The following GSE1 variants were observed in gnomAD, a reference collection of about 807,000 sequenced individuals.
GSE1 encodes Gse1 coiled-coil protein.
Under a neutral mutation model 112.6 loss-of-function variants are expected in GSE1, and 32 were observed. The observed-to-expected ratio is 0.28, with a 90% CI of 0.21 to 0.38. The LOEUF (loss-of-function observed/expected upper bound fraction) is 0.38. GSE1 is among the 10% of genes least tolerant of loss of function. GSE1 has a pLI of 1.00. For synonymous variants in GSE1, 1,115 were observed against 735.6 expected (o/e 1.52, Z -8.35); for missense variants, 2,348 against 1,699.2 (o/e 1.38, Z -6.71).
rs368548995 is a variant in GSE1, at chr16:85,242,455, G to A, written c.2283+70648G>A. ...GAAGGCCACCTTCCATCTTTCTGTCGGTGCCCCGCAGGGCAGGGCCTGTGC... is the reference window on the plus strand; with the variant it reads ...GAAGGCCACCTTCCATCTTTCTGTCAGTGCCCCGCAGGGCAGGGCCTGTGC... On this transcript the variant is annotated intron_variant, in intron 1 of 2. Transcript: ENST00000637419. Among the ~76,000 whole-genome samples, 4 of 152,360 alleles carry A rather than the reference G, an allele frequency of 2.6e-5. No individual in the cohort carries two copies. In the South Asian group the frequency reaches 6.2e-4, roughly 24 times the overall value.
rs2053054435 is a variant in GSE1 at position 85,668,361 on chromosome 16, G to A, written c.3352G>A (p.Val1118Ile). ...DDEDGEDEEE[V>I]PKRKWQGIEA... Reference sequence around the variant, plus strand: ...TGAAGATGGAGAAGATGAGGAGGAAGTCCCCAAGCGCAAGTGGCAAGGGAT... The same window carrying A: ...TGAAGATGGAGAAGATGAGGAGGAAATCCCCAAGCGCAAGTGGCAAGGGAT... Residue 1118 changes from valine to isoleucine, a missense_variant, in exon 14 of 16, where the codon GTC (valine) becomes ATC (isoleucine). Physicochemically the swap from Val to Ile is conservative, Grantham distance 29. Coordinates refer to ENST00000253458, the MANE Select transcript of GSE1 (RefSeq NM_014615.5). 1.3e-6 allele frequency: 2 copies of A among 1,593,376 alleles called. No individual in the cohort carries two copies. The highest frequency in any genetic ancestry group is 2.2e-5 in the East Asian group (1 of 44,778).
intron 1 of GSE1, among the ~76,000 whole-genome samples, chr16:85,250,427 G>A (rs987244763): frequency 6.6e-6 from 1 of 152,154 alleles, no homozygotes; most frequent in African/African-American, 2.4e-5. Context: ...GTGTTCCCAG[G>A]ATGGCTGGTG....
At chr16:85,404,087 G>C (rs1037562549) in intron 2 of GSE1, among the ~76,000 whole-genome samples, 3 of 151,070 alleles carry the variant, frequency 2.0e-5, no homozygotes, top group Non-Finnish European at 2.9e-5. Flanking sequence ...CTTGTGATTG[G>C]ACACAGGGCC....
rs143368409 is a variant in GSE1, at chr16:85,373,763, G to A, written c.2464+16120G>A. On this transcript the variant is annotated intron_variant, in intron 2 of 2. Coordinates refer to the GSE1 transcript ENST00000637419. This position sits in a 1 kb window ranked among gnomAD's most constrained non-coding sequence, Gnocchi z 5.1. ...GAATGAGCGCTGGCCGCCTTCTCCC[G>A]GCAGGCCTGGGGACCCTGGATCCCC... Among the ~76,000 whole-genome samples, 618 of 152,206 alleles carry A rather than the reference G, an allele frequency of 4.1e-3. 8 individuals are homozygous for A. Among genetic ancestry groups the A allele is most frequent in the Admixed American group, 0.035 (536 of 15,296 alleles).
At chr16:85,204,670 C>T (rs565196482) in intron 1 of GSE1, among the ~76,000 whole-genome samples, 4 of 152,220 alleles carry the variant, frequency 2.6e-5, no homozygotes, top group Non-Finnish European at 5.9e-5. Context: ...GCTTTCTGCC[C>T]GGACAGACTG....
chr16:85,203,282 A>G (rs535247271), intron 1 of GSE1, among the ~76,000 whole-genome samples: 1 of 152,290 alleles, frequency 6.6e-6, no homozygotes, highest in African/African-American at 2.4e-5. Flanking sequence ...TTCGCAGGGC[A>G]TAGCGCCAGG....
At chr16:85,279,786 C>A (rs1419066152) in intron 1 of GSE1, among the ~76,000 whole-genome samples, 2 of 152,130 alleles carry the variant, frequency 1.3e-5, no homozygotes, top group Non-Finnish European at 2.9e-5. Flanking sequence ...TCTCTGTCTT[C>A]ACTTGAATTC....
chr16:85,629,493 C>A (rs544355375), intron 1 of GSE1, among the ~76,000 whole-genome samples: 1 of 152,362 alleles, frequency 6.6e-6, no homozygotes, highest in East Asian at 1.9e-4. Context: ...CACCGGAGAT[C>A]GGCCCCTCCT....
intron 1 of GSE1, among the ~76,000 whole-genome samples, chr16:85,291,513 T>C (rs920791895): frequency 1.3e-5 from 2 of 151,822 alleles, no homozygotes; most frequent in Non-Finnish European, 2.9e-5. Flanking sequence ...TCCCATGGGG[T>C]CGAATAAAGG....
intron 2 of GSE1, among the ~76,000 whole-genome samples, chr16:85,380,346 T>A (rs12919385): frequency 6.6e-6 from 1 of 152,006 alleles, no homozygotes; most frequent in African/African-American, 2.4e-5. Context: ...GGGGAGGAGG[T>A]GGCACTCCAG....
At chr16:85,665,242 G>T (rs1305011905) in intron 12 of GSE1, 114 bp downstream of exon 12, 2 of 639,428 alleles carry the variant, frequency 3.1e-6, no homozygotes, top group Admixed American at 2.5e-5. Flanking sequence ...CCTGCAGGCT[G>T]TCTTCTTCCA....
chr16:85,663,296 T>C, intron 10 of GSE1, 48 bp from the exon 11 acceptor site: 1 of 1,602,226 alleles, frequency 6.2e-7, no homozygotes, highest in East Asian at 2.2e-5. Flanking sequence ...AGTGCAAGCA[T>C]ACCACTGCCA....
chr16:85,183,225 CCTCT>C (rs965645461), intron 1 of GSE1, among the ~76,000 whole-genome samples: 25 of 152,290 alleles, frequency 1.6e-4, no homozygotes, highest in East Asian at 9.6e-4. Flanking sequence ...TCCCACACAC[CCTCT>C]CTCATTCATG....
chr16:85,553,305 CG>C (rs1286879001), upstream of GSE1, among the ~76,000 whole-genome samples: 1 of 150,434 alleles, frequency 6.6e-6, no homozygotes, highest in African/African-American at 2.4e-5. Flanking sequence ...CCGCCGCCGC[CG>C]CCGCTGCCGG....
chr16:85,644,911 A>C (rs913843275), intron 2 of GSE1, among the ~76,000 whole-genome samples: 1 of 151,942 alleles, frequency 6.6e-6, no homozygotes, highest in Non-Finnish European at 1.5e-5. Context: ...TTTCCCCAAA[A>C]ACTTAAAGTG....
intron 1 of GSE1, among the ~76,000 whole-genome samples, chr16:85,633,101 G>A (rs1030483725): frequency 2.0e-5 from 3 of 152,222 alleles, no homozygotes; most frequent in Non-Finnish European, 4.4e-5. Context: ...GCCCTGGGAG[G>A]AAAGAGGGTT....
At chr16:85,496,333 G>A (rs941501138) in intron 2 of GSE1, among the ~76,000 whole-genome samples, 1 of 148,652 alleles carries the variant, frequency 6.7e-6, no homozygotes, top group Non-Finnish European at 1.5e-5. Context: ...CTGCGTGAGC[G>A]ATGGCGTTTG....
At chr16:85,626,649 C>G (rs1331111480) in intron 1 of GSE1, among the ~76,000 whole-genome samples, 1 of 152,204 alleles carries the variant, frequency 6.6e-6, no homozygotes, top group African/African-American at 2.4e-5. Context: ...GGTGCTTGAA[C>G]CGGGACCCAG....
chr16:85,251,359 AAC>A (rs1906458933), intron 1 of GSE1, among the ~76,000 whole-genome samples: 2 of 152,224 alleles, frequency 1.3e-5, no homozygotes, highest in African/African-American at 4.8e-5. Context: ...CAGCACAAAT[AAC>A]ACAGAGTAGG....
Sources: gnomAD v4.1 joint callset for allele counts (sites outside exome capture counted in the v4.1 genomes callset) on GRCh38, gnomAD v4.1.1 for gene constraint, Gnocchi (gnomAD v3.1) non-coding constraint, MANE v1.5 for transcripts, NCBI Gene and HGNC (gene_info 2026-07-23, HGNC 2026-07-21) for gene names.